Variants in TMEM108 observed in about 807,000 individuals in gnomAD.
The protein encoded by TMEM108 is cancer/testis antigen 124.
In TMEM108, 12 loss-of-function variants were observed where a neutral mutation model predicts 35.1. The ratio of observed to expected loss-of-function variants is 0.34; its 90% CI spans 0.22 to 0.55. The LOEUF is 0.55. TMEM108 is among the 20% of genes least tolerant of loss of function. TMEM108 has a pLI of 0.89. For synonymous variants in TMEM108, 287 were observed against 308.6 expected (o/e 0.93, Z 0.73); for missense variants, 680 against 753.3 (o/e 0.90, Z 1.14).
At chr3:133,362,575 C>T (rs972970127) in intron 3 of TMEM108, among the ~76,000 whole-genome samples, 4 of 152,070 alleles carry the variant, frequency 2.6e-5, no homozygotes, top group African/African-American at 9.7e-5. Flanking sequence ...GGTAGGAGCC[C>T]AAAATAAAAT....
chr3:133,229,386 A>G (rs906055712), intron 3 of TMEM108, 35 bp downstream of exon 3: 3 of 1,604,014 alleles, frequency 1.9e-6, no homozygotes, highest in African/African-American at 1.3e-5. Flanking sequence ...TTCCTAAAAT[A>G]TACTAATGTT....
intron 2 of TMEM108, among the ~76,000 whole-genome samples, chr3:133,061,133 G>C (rs1471148935): frequency 6.6e-6 from 1 of 151,726 alleles, no homozygotes; most frequent in Admixed American, 6.6e-5. Context: ...AATCTTAGCA[G>C]TGTTTTTTCC....
At chr3:133,177,809 C>T (rs1463417672) in intron 2 of TMEM108, among the ~76,000 whole-genome samples, 1 of 151,948 alleles carries the variant, frequency 6.6e-6, no homozygotes, top group Non-Finnish European at 1.5e-5. Context: ...GAAGTTCTGG[C>T]CAGGGCAATT....
At chr3:133,377,951 A>C (rs1469733761) in intron 3 of TMEM108, among the ~76,000 whole-genome samples, 1 of 152,070 alleles carries the variant, frequency 6.6e-6, no homozygotes, top group Non-Finnish European at 1.5e-5. Flanking sequence ...TGAGAATTGA[A>C]TGCCTGCTGA....
chr3:133,046,631 C>T (rs1303933370), intron 2 of TMEM108, among the ~76,000 whole-genome samples: 1 of 152,122 alleles, frequency 6.6e-6, no homozygotes, highest in Non-Finnish European at 1.5e-5. Flanking sequence ...TGCATGTGGG[C>T]ACTGGCAATG....
chr3:133,200,298 C>T (rs147027092), intron 2 of TMEM108, among the ~76,000 whole-genome samples: 190 of 152,270 alleles, frequency 1.2e-3, no homozygotes, highest in African/African-American at 4.2e-3. Context: ...CAACAAGCCC[C>T]AGTGAGATGA....
At chr3:133,221,660 CTTTTTTTTTTT>C (rs3078806) in intron 2 of TMEM108, among the ~76,000 whole-genome samples, 3 of 60,358 alleles carry the variant, frequency 5.0e-5, no homozygotes, top group East Asian at 6.1e-4. Context: ...ACATTGATTC[CTTTTTTTTTTT>C]TTTTTTTTTT....
At chr3:133,164,700 C>T (rs889089754) in intron 2 of TMEM108, among the ~76,000 whole-genome samples, 4 of 152,118 alleles carry the variant, frequency 2.6e-5, no homozygotes, top group African/African-American at 9.7e-5. Flanking sequence ...TATGACAACC[C>T]TGGCTATGTT....
intron 2 of TMEM108, among the ~76,000 whole-genome samples, chr3:133,138,851 T>C (rs1484596037): frequency 6.6e-6 from 1 of 152,002 alleles, no homozygotes; most frequent in African/African-American, 2.4e-5. Flanking sequence ...GCCATGGTGG[T>C]TTGTGGCACC....
chr3:133,388,323 C>G (rs2073184940), intron 4 of TMEM108: 2 of 983,494 alleles, frequency 2.0e-6, no homozygotes, highest in Middle Eastern at 5.2e-4. Context: ...AGCTCTGCCA[C>G]TCACATACCT....
chr3:133,229,132 A>G lies in TMEM108; in HGVS notation c.-46-134A>G. 5.2e-6 allele frequency: 3 copies of G among 580,220 alleles called. No homozygotes were observed. In the South Asian group the frequency reaches 6.9e-5, roughly 13 times the overall value. The allele number at this position is 580,220 out of a possible 1,614,324, so 35.9% of individuals were successfully genotyped here. A position where few individuals can be genotyped will look rare whatever the true frequency, so the allele number is the denominator to read the frequency against. The stretch of plus-strand genomic sequence containing the variant: ...ACCATTGTAAATTAAACTGTGGTGT[A>G]TTTATCCCAAGATTTTTTCTCTTTG... On this transcript the variant is annotated intron_variant, in intron 2 of 5. Transcript: ENST00000321871.
At chr3:133,384,384 G>GAGTCAGAATTCAGATGGGCGGGGTGC (rs1324744746) in intron 4 of TMEM108, among the ~76,000 whole-genome samples, 7 of 152,174 alleles carry the variant, frequency 4.6e-5, no homozygotes, top group African/African-American at 7.2e-5. Context: ...CCTGGTAGAA[G>GAGTCAGAATTCAGATGGGCGGGGTGC]TGGGAGTTGA....
At chr3:133,308,691 T>A (rs1576446873) in intron 3 of TMEM108, among the ~76,000 whole-genome samples, 1 of 152,238 alleles carries the variant, frequency 6.6e-6, no homozygotes, top group East Asian at 1.9e-4. Flanking sequence ...TGAACCAGCC[T>A]TGCATCCGCG....
intron 3 of TMEM108, among the ~76,000 whole-genome samples, chr3:133,318,540 C>G (rs1476925128): frequency 1.3e-5 from 2 of 152,138 alleles, no homozygotes; most frequent in Non-Finnish European, 2.9e-5. Context: ...AATCTATGAA[C>G]TTTGCATGAC....
At chr3:133,370,919 T>TGTGTGTGTGTGTGTGTGTGTGTGTGC (rs528508777) in intron 3 of TMEM108, among the ~76,000 whole-genome samples, 1 of 136,688 alleles carries the variant, frequency 7.3e-6, no homozygotes, top group East Asian at 2.3e-4. Flanking sequence ...TGTGTGTGTG[T>TGTGTGTGTGTGTGTGTGTGTGTGTGC]GTGCCAGGAA....
intron 3 of TMEM108, among the ~76,000 whole-genome samples, chr3:133,299,026 A>G (rs930307178): frequency 6.6e-6 from 1 of 152,164 alleles, no homozygotes; most frequent in African/African-American, 2.4e-5. Context: ...GGGAAATCTG[A>G]ACTGTGGGGA....
chr3:133,234,079 C>G (rs1367625243), intron 3 of TMEM108, among the ~76,000 whole-genome samples: 1 of 151,946 alleles, frequency 6.6e-6, no homozygotes, highest in Non-Finnish European at 1.5e-5. Flanking sequence ...CTTTTGTTGC[C>G]ATTGCTTTTG....
intron 2 of TMEM108, among the ~76,000 whole-genome samples, chr3:133,080,060 C>T (rs114764521): frequency 4.7e-4 from 72 of 152,260 alleles, no homozygotes; most frequent in African/African-American, 1.6e-3. Context: ...CTTGTCATCT[C>T]GTCCAAGGTA....
At chr3:133,330,187 C>T (rs546802817) in intron 3 of TMEM108, among the ~76,000 whole-genome samples, 1 of 152,310 alleles carries the variant, frequency 6.6e-6, no homozygotes, top group South Asian at 2.1e-4. Context: ...GATAAGAAGC[C>T]TTCTCTCTGC....
Sources: allele counts gnomAD v4.1 joint callset (sites outside exome capture counted in the v4.1 genomes callset), GRCh38; gene constraint gnomAD v4.1.1; transcripts MANE v1.5; gene names NCBI Gene and HGNC (gene_info 2026-07-23, HGNC 2026-07-21).